The following CATSPERB variants were observed in gnomAD, a reference collection of about 807,000 sequenced individuals.
CATSPERB encodes cation channel sperm-associated auxiliary subunit beta.
CATSPERB carries 93 observed loss-of-function variants against 128.3 expected under a neutral mutation model. The observed-to-expected ratio is 0.72, with a 90% CI of 0.61 to 0.86. The LOEUF is 0.86. Among genes scored for constraint, CATSPERB ranks in the 40% least tolerant of loss-of-function variants. The pLI is 0.00. For synonymous variants in CATSPERB, 381 were observed against 448.8 expected (o/e 0.85, Z 1.91); for missense variants, 1,153 against 1,329.5 (o/e 0.87, Z 2.06).
In CATSPERB at chr14:91,708,180, T is replaced by A. The variant is rs1406753156; in HGVS notation, c.427A>T (p.Ile143Phe). The A allele has an allele frequency of 1.2e-6, 2 of 1,612,064 alleles. No individual in the cohort carries two copies. The highest frequency in any genetic ancestry group is 1.7e-6 in the Non-Finnish European group (2 of 1,178,870). Residue 143 changes from isoleucine (I) to phenylalanine (F), a missense_variant, in exon 6 of 27, where the codon ATT (isoleucine) becomes TTT (phenylalanine). By Grantham distance (21) the Ile-to-Phe change is conservative (BLOSUM62 0). Transcript: ENST00000256343. ...AATAGAGTTCCTTCAGTAGCATAAATATTTAGTCCATGATGTAAAGTGATT... is the reference window on the plus strand; with the variant it reads ...AATAGAGTTCCTTCAGTAGCATAAAAATTTAGTCCATGATGTAAAGTGATT... ...VRITLHHGLN[I>F]YATEGTLLDV...
intron 7 of CATSPERB, among the ~76,000 whole-genome samples, chr14:91,699,762 A>G (rs1356356341): frequency 6.6e-6 from 1 of 151,780 alleles, no homozygotes; most frequent in Non-Finnish European, 1.5e-5. Context: ...TAGTAGAGAT[A>G]GGATTTCACC....
intron 2 of CATSPERB, among the ~76,000 whole-genome samples, chr14:91,728,354 ATCC>A (rs1356011466): frequency 1.3e-5 from 2 of 152,278 alleles, no homozygotes; most frequent in East Asian, 3.9e-4. Flanking sequence ...GGCTCAAGGT[ATCC>A]TCCTGTCTCA....
intron 17 of CATSPERB, among the ~76,000 whole-genome samples, chr14:91,627,685 G>A (rs1051116043): frequency 1.3e-5 from 2 of 152,218 alleles, no homozygotes; most frequent in African/African-American, 4.8e-5. Context: ...TTTATTAATA[G>A]TCTAGAGTTG....
intron 17 of CATSPERB, among the ~76,000 whole-genome samples, chr14:91,632,092 G>T (rs1894289152): frequency 6.6e-6 from 1 of 151,982 alleles, no homozygotes; most frequent in Non-Finnish European, 1.5e-5. Flanking sequence ...AAGATGGTAG[G>T]AATGAAGACA....
chr14:91,608,236 A>G, intron 22 of CATSPERB, 58 bp downstream of exon 22: 6 of 1,056,952 alleles, frequency 5.7e-6, no homozygotes, highest in Non-Finnish European at 8.8e-6. Flanking sequence ...ATATAATTTT[A>G]CTGAATGATT....
intron 15 of CATSPERB, among the ~76,000 whole-genome samples, chr14:91,648,073 C>A (rs1400139487): frequency 6.6e-6 from 1 of 152,134 alleles, no homozygotes; most frequent in Non-Finnish European, 1.5e-5. Flanking sequence ...ATTTCACAGC[C>A]AATCCTTCAC....
chr14:91,587,476 ACTTTTTT>A (rs1893324276), intron 25 of CATSPERB, among the ~76,000 whole-genome samples, 200 bp from the exon 26 acceptor site: 2 of 74,802 alleles, frequency 2.7e-5, no homozygotes, highest in African/African-American at 5.8e-5. Context: ...AATAGCTGAT[ACTTTTTT>A]TTTTTTTTTT....
intron 5 of CATSPERB, among the ~76,000 whole-genome samples, chr14:91,712,014 T>G (rs915760378): frequency 1.3e-5 from 2 of 152,198 alleles, no homozygotes; most frequent in Admixed American, 6.5e-5. Flanking sequence ...GAAAATATTT[T>G]TAATTGAAAG....
chr14:91,609,396 C>A (rs1023447778), intron 21 of CATSPERB, among the ~76,000 whole-genome samples: 1 of 152,136 alleles, frequency 6.6e-6, no homozygotes, highest in Non-Finnish European at 1.5e-5. Flanking sequence ...AGATGAATAG[C>A]CTCTCAGGGC....
intron 15 of CATSPERB, among the ~76,000 whole-genome samples, chr14:91,645,505 C>T (rs1595161939): frequency 5.8e-5 from 5 of 86,288 alleles, no homozygotes; most frequent in African/African-American, 9.2e-5. Flanking sequence ...GGGGTGCCTC[C>T]CAGTTAGGCT....
chr14:91,638,326 T>C (rs959218798), intron 16 of CATSPERB, among the ~76,000 whole-genome samples: 1 of 152,020 alleles, frequency 6.6e-6, no homozygotes, highest in African/African-American at 2.4e-5. Context: ...CCTTTTTTTG[T>C]TGTCACTAGA....
At chr14:91,713,089 T>A (rs1044599727) in intron 5 of CATSPERB, among the ~76,000 whole-genome samples, 2 of 152,210 alleles carry the variant, frequency 1.3e-5, no homozygotes, top group Non-Finnish European at 2.9e-5. Flanking sequence ...TATTTGGGGC[T>A]TTGTATGTTA....
At chr14:91,608,566 G>A (rs974480410) in intron 21 of CATSPERB, among the ~76,000 whole-genome samples, 162 bp from the exon 22 acceptor site, 32 of 152,016 alleles carry the variant, frequency 2.1e-4, no homozygotes, top group African/African-American at 7.5e-4. Context: ...CTCATTTTCT[G>A]GAATTTCAAC....
chr14:91,617,551 AT>A (rs751335892), intron 20 of CATSPERB, 45 bp downstream of exon 20: 7 of 1,496,748 alleles, frequency 4.7e-6, no homozygotes, highest in Admixed American at 2.4e-5. Context: ...GTTTCAGAAA[AT>A]TTTTTCATCA....
At chr14:91,604,808 G>A in intron 22 of CATSPERB, 2 of 1,589,584 alleles carry the variant, frequency 1.3e-6, no homozygotes, top group South Asian at 1.1e-5. Flanking sequence ...GTAGGTAGGT[G>A]CTGAGGCCTT....
intron 10 of CATSPERB, 96 bp downstream of exon 10, chr14:91,691,427 T>C: frequency 2.9e-6 from 2 of 686,920 alleles, no homozygotes; most frequent in South Asian, 6.7e-5. Context: ...GTAACTGGAA[T>C]AACTTATATT....
intron 5 of CATSPERB, among the ~76,000 whole-genome samples, chr14:91,717,384 G>C (rs922882070): frequency 6.6e-6 from 1 of 152,150 alleles, no homozygotes; most frequent in Non-Finnish European, 1.5e-5. Flanking sequence ...ATGAAAAAAA[G>C]GGGCAAATTA....
chr14:91,606,251 T>G (rs776889240), intron 22 of CATSPERB, among the ~76,000 whole-genome samples: 1 of 152,048 alleles, frequency 6.6e-6, no homozygotes, highest in Non-Finnish European at 1.5e-5. Context: ...GCTATGAGAT[T>G]CAGAAAGATG....
chr14:91,635,357 T>G (rs897426232), intron 17 of CATSPERB, among the ~76,000 whole-genome samples: 1 of 140,900 alleles, frequency 7.1e-6, no homozygotes, highest in African/African-American at 2.6e-5. Context: ...TAATTCATAT[T>G]CTTTTTTTTT....
Sources: gnomAD v4.1 joint callset for allele counts (sites outside exome capture counted in the v4.1 genomes callset) on GRCh38, gnomAD v4.1.1 for gene constraint, MANE v1.5 for transcripts, NCBI Gene and HGNC (gene_info 2026-07-23, HGNC 2026-07-21) for gene names.